The following APP variants were observed in gnomAD, a reference collection of about 807,000 sequenced individuals.
APP encodes the protein amyloid beta precursor protein, also known as amyloid-beta precursor protein.
A neutral mutation model predicts 101.4 loss-of-function variants in APP; 31 were observed. The ratio of observed to expected loss-of-function variants is 0.31; its 90% CI spans 0.23 to 0.41. The LOEUF is 0.41. Among genes scored for constraint, APP ranks in the 10% least tolerant of loss-of-function variants. The probability of loss-of-function intolerance (pLI) is 1.00; values close to 1 mark genes in which losing one functional copy is unlikely to be tolerated. For synonymous variants in APP, 366 were observed against 364.4 expected (o/e 1.00, Z -0.05); for missense variants, 839 against 1,003.7 (o/e 0.84, Z 2.22).
chr21:26,043,683 T>C (rs1017274451), intron 5 of APP, among the ~76,000 whole-genome samples: 17 of 152,262 alleles, frequency 1.1e-4, no homozygotes, highest in African/African-American at 3.9e-4. Flanking sequence ...TAGAAAATTA[T>C]GCCAAGTATT....
intron 3 of APP, among the ~76,000 whole-genome samples, chr21:26,057,551 T>G (rs1226143329): frequency 6.6e-6 from 1 of 152,096 alleles, no homozygotes; most frequent in Non-Finnish European, 1.5e-5. Flanking sequence ...GGGTCTGGCT[T>G]CTTGGCTATG....
chr21:25,895,844 G>C (rs149572955), intron 16 of APP, among the ~76,000 whole-genome samples: 2 of 152,268 alleles, frequency 1.3e-5, no homozygotes, highest in African/African-American at 4.8e-5. Context: ...ATACAAGTCT[G>C]GACATATGCC....
chr21:25,974,900 C>T (rs2042167793), intron 11 of APP, among the ~76,000 whole-genome samples, 170 bp downstream of exon 11: 1 of 152,108 alleles, frequency 6.6e-6, no homozygotes, highest in African/African-American at 2.4e-5. Context: ...GAGGTAGCTG[C>T]CCTGTGACCC....
intron 8 of APP, among the ~76,000 whole-genome samples, chr21:25,985,395 T>G (rs962502129): frequency 6.6e-6 from 1 of 152,182 alleles, no homozygotes; most frequent in Non-Finnish European, 1.5e-5. Flanking sequence ...CTCCTCAACA[T>G]GGGCAGGAAT....
At chr21:26,034,266 A>G (rs1007927212) in intron 5 of APP, among the ~76,000 whole-genome samples, 2 of 152,204 alleles carry the variant, frequency 1.3e-5, no homozygotes, top group Non-Finnish European at 2.9e-5. Flanking sequence ...CCCTGCAAGC[A>G]TAATTCAAGA....
chr21:26,129,414 GAGCTGAGATCAC>G (rs2062748078), intron 1 of APP, among the ~76,000 whole-genome samples: 1 of 151,568 alleles, frequency 6.6e-6, no homozygotes, highest in Admixed American at 6.6e-5. Flanking sequence ...AGGTTGCAGT[GAGCTGAGATCAC>G]ACCATGTATT....
chr21:25,920,653 G>A (rs1286106741), intron 13 of APP, among the ~76,000 whole-genome samples: 1 of 151,608 alleles, frequency 6.6e-6, no homozygotes, highest in East Asian at 1.9e-4. Flanking sequence ...AATGGTAAAG[G>A]GATCAATTCA....
intron 3 of APP, among the ~76,000 whole-genome samples, chr21:26,063,274 A>C (rs1422396793): frequency 1.3e-5 from 2 of 152,234 alleles, no homozygotes; most frequent in Non-Finnish European, 2.9e-5. Context: ...ACAACTAGTT[A>C]GCTATAGAAA....
intron 1 of APP, among the ~76,000 whole-genome samples, chr21:26,113,826 C>T (rs373722899): frequency 3.3e-5 from 5 of 152,240 alleles, no homozygotes; most frequent in African/African-American, 1.2e-4. Context: ...TCTTAGAAAT[C>T]GAAATGCAAA....
chr21:26,129,967 C>T (rs905693521), intron 1 of APP, among the ~76,000 whole-genome samples: 2 of 152,038 alleles, frequency 1.3e-5, no homozygotes, highest in Non-Finnish European at 2.9e-5. Context: ...TAGGGTGATA[C>T]GGTGATAAAT....
intron 2 of APP, among the ~76,000 whole-genome samples, chr21:26,110,593 T>C (rs968657701): frequency 6.6e-6 from 1 of 152,194 alleles, no homozygotes; most frequent in African/African-American, 2.4e-5. Context: ...TAGATGCTTT[T>C]TGCTTCTCAA....
intron 5 of APP, among the ~76,000 whole-genome samples, chr21:26,045,533 T>C (rs546603780): frequency 6.6e-6 from 1 of 152,378 alleles, no homozygotes; most frequent in South Asian, 2.1e-4. Flanking sequence ...TTATTAAAAT[T>C]GCTAATAGTT....
At chr21:25,930,547 T>C (rs2040099101) in intron 13 of APP, among the ~76,000 whole-genome samples, 1 of 138,356 alleles carries the variant, frequency 7.2e-6, no homozygotes, top group South Asian at 2.5e-4. Flanking sequence ...CTTATGCAGA[T>C]AATTATAAGG....
At chr21:25,967,045 G>T (rs1045393266) in intron 11 of APP, among the ~76,000 whole-genome samples, 1 of 152,180 alleles carries the variant, frequency 6.6e-6, no homozygotes, top group African/African-American at 2.4e-5. Context: ...ACTTAGTGAT[G>T]AAACCGTGCT....
At chr21:26,161,908 A>G (rs1046157635) in intron 1 of APP, among the ~76,000 whole-genome samples, 2 of 151,886 alleles carry the variant, frequency 1.3e-5, no homozygotes, top group Non-Finnish European at 2.9e-5. Flanking sequence ...TTTGAAGTAG[A>G]TGAGGATTTT....
At position 26,051,009 on chromosome 21, in the gene APP, G is replaced by T. The variant is rs201250681; in HGVS notation, c.653C>A (p.Ala218Glu). ...ACAAAGGCCACCTTACCTCCCATCT[G>T]CATAGTCTGTGTCTGCTCCGCCCCA... ...VWWGGADTDY[A>E]DGSEDKVVEV... The change falls in exon 5 of 18, where the codon GCA becomes GAA. Residue 218 changes from alanine (A) to glutamate (E), a missense_variant. Transcript: ENST00000346798. 1 of 1,614,108 alleles carries T rather than the reference G, an allele frequency of 6.2e-7. No homozygotes were observed. Among genetic ancestry groups the T allele is most frequent in the Non-Finnish European group, 8.5e-7 (1 of 1,180,004 alleles).
chr21:26,159,114 G>A (rs147569605), intron 1 of APP, among the ~76,000 whole-genome samples: 102 of 151,336 alleles, frequency 6.7e-4, no homozygotes, highest in Middle Eastern at 3.4e-3. Context: ...ACGGAGTCTC[G>A]CTCTGTTGCC....
In APP at chr21:25,880,957, G is replaced by C. The variant is rs1486755973; in HGVS notation, c.*713C>G. ...ACCCCTCCCCACCCGCCCCGTAAAA[G>C]TGCTTACAATGAACAGGGATTCTTT... is the stretch of plus-strand genomic sequence containing the variant. On this transcript the variant is annotated 3_prime_UTR_variant, in exon 18 of 18. Transcript: ENST00000346798. 1.9e-5 allele frequency: 1 copy of C among 53,694 alleles called. No homozygotes were observed. The highest frequency in any genetic ancestry group is 7.4e-5 in the African/African-American group (1 of 13,450). The allele number at this position is 53,694 out of a possible 1,614,324, so 3.3% of individuals were successfully genotyped here.
Position 26,015,287 on chromosome 21 carries a change from A to T in APP, c.865+6553T>A, listed in dbSNP as rs553845324. ...ATGATATAACCATAACTAAGAGAGC[A>T]ACTAAGGTTAATTGAGCAGTTACTG... On this transcript the variant is annotated intron_variant, in intron 6 of 17. Transcript: ENST00000346798. Among the ~76,000 whole-genome samples, 4 of 152,308 alleles carry T rather than the reference A, an allele frequency of 2.6e-5. No individual in the cohort carries two copies. In the South Asian group the frequency reaches 8.3e-4, roughly 32 times the overall value.
Sources: gnomAD v4.1 joint callset for allele counts (sites outside exome capture counted in the v4.1 genomes callset) on GRCh38, gnomAD v4.1.1 for gene constraint, MANE v1.5 for transcripts, NCBI Gene and HGNC (gene_info 2026-07-23, HGNC 2026-07-21) for gene names.